The following AHI1 variants were observed in gnomAD, a reference collection of about 807,000 sequenced individuals.
The protein encoded by AHI1 is jouberin.
AHI1 carries 123 observed loss-of-function variants against 149.3 expected under a neutral mutation model. That is an observed-to-expected ratio of 0.82 (90% confidence interval 0.71 to 0.96). The LOEUF (loss-of-function observed/expected upper bound fraction) is 0.96. Ranked by LOEUF, AHI1 falls within the 40% of genes least tolerant of loss-of-function variation. The probability of loss-of-function intolerance (pLI) is 0.00; values close to 1 mark genes in which losing one functional copy is unlikely to be tolerated. For synonymous variants in AHI1, 475 were observed against 459.8 expected (o/e 1.03, Z -0.42); for missense variants, 1,439 against 1,422.7 (o/e 1.01, Z -0.18).
intron 23 of AHI1, among the ~76,000 whole-genome samples, chr6:135,374,102 ATATATATTTTTTTTT>A (rs1442746342): frequency 4.6e-5 from 2 of 43,604 alleles, no homozygotes; most frequent in African/African-American, 2.0e-4. Context: ...ATATATATAT[ATATATATTTTTTTTT>A]TTTTTTTTTT....
In AHI1 at chr6:135,457,121, T is replaced by C. The variant is rs1583322970; in HGVS notation, c.1151+373A>G. ...CATCCTGGCCAAACCCCGCCTCCAC[T>C]AAAAATACAAAAATTAGCCAGGAGT... On this transcript the variant is annotated intron_variant, in intron 9 of 28. Coordinates refer to ENST00000265602, the MANE Select transcript of AHI1 (RefSeq NM_001134831.2). Among the ~76,000 whole-genome samples the C allele has an allele frequency of 3.9e-5, 6 of 152,054 alleles. No homozygotes were observed. In the South Asian group the frequency reaches 1.2e-3, roughly 32 times the overall value.
intron 24 of AHI1, among the ~76,000 whole-genome samples, chr6:135,344,686 TTTTC>T (rs1374224740): frequency 8.2e-5 from 12 of 147,126 alleles, no homozygotes; most frequent in South Asian, 4.5e-4. Flanking sequence ...CTTCCTTTCC[TTTTC>T]TTTCTTTTTC....
chr6:135,368,748 C>T (rs1200031266), intron 23 of AHI1, among the ~76,000 whole-genome samples: 2 of 142,414 alleles, frequency 1.4e-5, no homozygotes, highest in Non-Finnish European at 2.9e-5. Flanking sequence ...TCCCACTCTA[C>T]CCCTCAGTAG....
At chr6:135,441,637 C>T (rs543899896) in intron 14 of AHI1, among the ~76,000 whole-genome samples, 5 of 152,014 alleles carry the variant, frequency 3.3e-5, no homozygotes, top group African/African-American at 1.2e-4. Flanking sequence ...ATCACAGAAG[C>T]TTTTAAAACA....
chr6:135,491,113 G>T (rs72980278), intron 4 of AHI1, among the ~76,000 whole-genome samples: 5,312 of 152,190 alleles, frequency 0.035, 147 homozygotes, highest in Admixed American at 0.048. Flanking sequence ...ATTATCTTAT[G>T]CCAAAGATCA....
intron 5 of AHI1, among the ~76,000 whole-genome samples, chr6:135,489,290 C>A (rs1026525938): frequency 1.3e-5 from 2 of 152,130 alleles, no homozygotes; most frequent in Non-Finnish European, 2.9e-5. Context: ...CACTTATGTG[C>A]CCCTCAACAT....
At chr6:135,486,960 C>T (rs1460772026) in intron 5 of AHI1, among the ~76,000 whole-genome samples, 2 of 151,936 alleles carry the variant, frequency 1.3e-5, no homozygotes, top group African/African-American at 4.8e-5. Context: ...GAGACAGGAT[C>T]TTATTATGTT....
chr6:135,398,058 G>GTTTTTTT (rs68148024), intron 22 of AHI1, among the ~76,000 whole-genome samples: 2 of 88,428 alleles, frequency 2.3e-5, no homozygotes, highest in African/African-American at 4.3e-5. Context: ...TACCCAGGAT[G>GTTTTTTT]TTTTTTTTTT....
At position 135,428,701 on chromosome 6, in the gene AHI1, A is replaced by C. The variant is rs373971733; in HGVS notation, c.2551T>G (p.Leu851Val). The change falls in exon 19 of 29, where the codon TTG becomes GTG. Residue 851 changes from leucine to valine, a missense_variant. Transcript: ENST00000265602. Reference sequence around the variant, plus strand: ...AACAGAAAAGTCCCACATGGAGTCAAAGTACTATGAATCTTCTCCCGATAA... The same window carrying C: ...AACAGAAAAGTCCCACATGGAGTCACAGTACTATGAATCTTCTCCCGATAA... ...ANYREKIHST[L>V]TPCGTFLFAG... 32 of 1,608,430 alleles carry C rather than the reference A, an allele frequency of 2.0e-5. No homozygotes were observed. In the African/African-American group the frequency reaches 4.1e-4, roughly 21 times the overall value.
intron 3 of AHI1, among the ~76,000 whole-genome samples, chr6:135,494,824 G>C (rs1404799975): frequency 1.3e-5 from 2 of 152,226 alleles, no homozygotes; most frequent in Non-Finnish European, 2.9e-5. Context: ...AAAACTGGGA[G>C]ATAGAAGCAT....
chr6:135,476,192 T>C (rs1792603179), intron 5 of AHI1, among the ~76,000 whole-genome samples: 2 of 152,206 alleles, frequency 1.3e-5, no homozygotes, highest in African/African-American at 4.8e-5. Flanking sequence ...AATTCTTTTG[T>C]GTTTTCTTCT....
intron 23 of AHI1, among the ~76,000 whole-genome samples, chr6:135,363,484 A>G (rs1219544824): frequency 6.6e-6 from 1 of 152,166 alleles, no homozygotes; most frequent in African/African-American, 2.4e-5. Context: ...CGATTTCTCA[A>G]TCTTTTCCCC....
At chr6:135,379,940 C>T (rs1473583671) in intron 23 of AHI1, among the ~76,000 whole-genome samples, 8 of 103,698 alleles carry the variant, frequency 7.7e-5, no homozygotes, top group Non-Finnish European at 1.2e-4. Flanking sequence ...TCCCCCAACT[C>T]CCTCCCTCCT....
intron 26 of AHI1, among the ~76,000 whole-genome samples, chr6:135,304,639 C>A (rs148806902): frequency 6.6e-6 from 1 of 151,956 alleles, no homozygotes; most frequent in Non-Finnish European, 1.5e-5. Context: ...GGTGTGGTGG[C>A]GGGCACCTGT....
At chr6:135,407,002 C>T (rs1780887101) in intron 21 of AHI1, among the ~76,000 whole-genome samples, 1 of 152,168 alleles carries the variant, frequency 6.6e-6, no homozygotes, top group Non-Finnish European at 1.5e-5. Flanking sequence ...ACCTGGGTTG[C>T]AGAATGCTGT....
intron 24 of AHI1, among the ~76,000 whole-genome samples, chr6:135,343,666 CA>C (rs1790720575): frequency 6.7e-6 from 1 of 148,440 alleles, no homozygotes; most frequent in African/African-American, 2.5e-5. Flanking sequence ...AACAAACTAA[CA>C]AAAAACCCCC....
At chr6:135,312,214 T>TA (rs1400078277) in intron 26 of AHI1, among the ~76,000 whole-genome samples, 1 of 151,974 alleles carries the variant, frequency 6.6e-6, no homozygotes, top group Non-Finnish European at 1.5e-5. Context: ...ATGAAACAAA[T>TA]ACCAAACAGG....
chr6:135,423,695 G>A (rs1783537827), intron 20 of AHI1, among the ~76,000 whole-genome samples: 2 of 152,082 alleles, frequency 1.3e-5, no homozygotes, highest in South Asian at 4.1e-4. Flanking sequence ...AGCTCAACTT[G>A]ACACACAATA....
At chr6:135,387,912 C>G in intron 23 of AHI1, 1 of 1,599,120 alleles carries the variant, frequency 6.3e-7, no homozygotes, top group African/African-American at 1.3e-5. Flanking sequence ...AGTGAACTAC[C>G]TAACAAAACA....
Sources: gnomAD v4.1 joint callset for allele counts (sites outside exome capture counted in the v4.1 genomes callset) on GRCh38, gnomAD v4.1.1 for gene constraint, MANE v1.5 for transcripts, NCBI Gene and HGNC (gene_info 2026-07-23, HGNC 2026-07-21) for gene names.